PRKAR2B: variants seen among roughly 807,000 people sequenced by gnomAD.
PRKAR2B encodes cAMP-dependent protein kinase type II-beta regulatory subunit.
A neutral mutation model predicts 49.9 loss-of-function variants in PRKAR2B; 14 were observed. The ratio of observed to expected loss-of-function variants is 0.28; its 90% confidence interval spans 0.19 to 0.44. The LOEUF (loss-of-function observed/expected upper bound fraction) is 0.44, where lower values mean the gene tolerates loss of function less well. PRKAR2B is among the 20% of genes least tolerant of loss of function. The pLI, the probability that PRKAR2B is intolerant of heterozygous loss-of-function variation, is 1.00. For synonymous variants in PRKAR2B, 196 were observed against 197.7 expected, an observed-to-expected ratio of 0.99 and a Z score of 0.07; for missense variants, 393 against 537.9, an observed-to-expected ratio of 0.73 and a Z score of 2.67.
Position 107,065,314 on chromosome 7 carries a change from GTGTGTGTA to G in PRKAR2B, c.308-4959_308-4952del, listed in dbSNP as rs1412893892. Among the ~76,000 whole-genome samples, 249 of 56,616 alleles carry G rather than the reference GTGTGTGTA, an allele frequency of 4.4e-3. 1 individual carries two copies. Among genetic ancestry groups the G allele is most frequent in the African/African-American group, 0.026 (196 of 7,650 alleles). The allele number at this position is 56,616 out of a possible 152,430, so 37.1% of individuals were successfully genotyped here. A position where few individuals can be genotyped will look rare whatever the true frequency, so the allele number is the denominator to read the frequency against. ...TGTTTTTTATTTTTGTTTGCTCGGG[GTGTGTGTA>G]TGTGTGTGTGTGTGTGTGTGTGTGT... On this transcript the variant is annotated intron_variant, in intron 1 of 10. Coordinates refer to ENST00000265717, the MANE Select transcript of PRKAR2B (RefSeq NM_002736.3).
At chr7:107,101,431 G>A (rs139414938) in intron 2 of PRKAR2B, among the ~76,000 whole-genome samples, 14 of 152,148 alleles carry the variant, frequency 9.2e-5, no homozygotes, top group Non-Finnish European at 1.8e-4. Flanking sequence ...GTGCGCTGTA[G>A]CCACCTCGAC....
chr7:107,084,355 G>T (rs577056068), intron 2 of PRKAR2B, among the ~76,000 whole-genome samples: 41 of 151,126 alleles, frequency 2.7e-4, no homozygotes, highest in African/African-American at 9.7e-4. Context: ...GATTAGTTTT[G>T]ATCTAAATTT....
intron 2 of PRKAR2B, among the ~76,000 whole-genome samples, chr7:107,080,748 G>C (rs1794499242): frequency 6.6e-6 from 1 of 152,190 alleles, no homozygotes; most frequent in African/African-American, 2.4e-5. Flanking sequence ...CTTATCTTAG[G>C]TACAGAAGGC....
intron 2 of PRKAR2B, among the ~76,000 whole-genome samples, chr7:107,121,254 A>G (rs1036369318): frequency 6.6e-6 from 1 of 152,060 alleles, no homozygotes; most frequent in Non-Finnish European, 1.5e-5. Flanking sequence ...AATCTGAAAT[A>G]TAGACAAATA....
chr7:107,084,177 T>C (rs567927394), intron 2 of PRKAR2B, among the ~76,000 whole-genome samples: 1 of 152,344 alleles, frequency 6.6e-6, no homozygotes, highest in East Asian at 1.9e-4. Flanking sequence ...TTTCTATACA[T>C]ACTGTTATAG....
chr7:107,099,639 CTT>C (rs71134250), intron 2 of PRKAR2B, among the ~76,000 whole-genome samples: 165 of 134,250 alleles, frequency 1.2e-3, no homozygotes, highest in Admixed American at 3.0e-3. Flanking sequence ...CATGAGAAAT[CTT>C]TTTTTTTTTT....
chr7:107,146,691 C>T (rs1340922126), intron 6 of PRKAR2B, among the ~76,000 whole-genome samples: 1 of 152,124 alleles, frequency 6.6e-6, no homozygotes, highest in Non-Finnish European at 1.5e-5. Flanking sequence ...CCTGGTGGCC[C>T]AGGAAAGACA....
At chr7:107,059,935 T>C (rs1793994026) in intron 1 of PRKAR2B, among the ~76,000 whole-genome samples, 2 of 152,144 alleles carry the variant, frequency 1.3e-5, no homozygotes, top group African/African-American at 4.8e-5. Context: ...ATGTATGATA[T>C]TGCGACAGAT....
intron 2 of PRKAR2B, among the ~76,000 whole-genome samples, chr7:107,107,196 G>C (rs984559713): frequency 6.6e-6 from 1 of 152,106 alleles, no homozygotes; most frequent in Non-Finnish European, 1.5e-5. Context: ...AATTAGCCAG[G>C]CATGGTGGTG....
intron 1 of PRKAR2B, among the ~76,000 whole-genome samples, chr7:107,052,845 G>T (rs1157232943): frequency 6.6e-6 from 1 of 152,006 alleles, no homozygotes; most frequent in East Asian, 1.9e-4. Flanking sequence ...ATTTTATTTT[G>T]TTTTTGACAG....
At chr7:107,138,260 T>C (rs2115630602) in intron 4 of PRKAR2B, among the ~76,000 whole-genome samples, 1 of 152,276 alleles carries the variant, frequency 6.6e-6, no homozygotes, top group Non-Finnish European at 1.5e-5. Flanking sequence ...ATAATGTCAG[T>C]ATAGATTCAG....
rs1796168149 is a variant in PRKAR2B, at chr7:107,159,903, C to T, written c.*321C>T. On this transcript the variant is annotated 3_prime_UTR_variant, in exon 11 of 11. Coordinates refer to ENST00000265717, the MANE Select transcript of PRKAR2B (RefSeq NM_002736.3). Reference sequence around the variant, plus strand: ...TAAGAAGATAATTAAAGGATGTTATCATAGGCTATATGTGTTTTACTTATT... The same window carrying T: ...TAAGAAGATAATTAAAGGATGTTATTATAGGCTATATGTGTTTTACTTATT... The T allele has an allele frequency of 4.6e-6, 1 of 218,556 alleles. No individual in the cohort carries two copies. The highest frequency in any genetic ancestry group is 5.3e-5 in the Admixed American group (1 of 18,824). 13.5% of individuals were successfully genotyped at this position (218,556 alleles called of 1,614,324 possible). A position where few individuals can be genotyped will look rare whatever the true frequency, so the allele number is the denominator to read the frequency against.
At chr7:107,150,587 A>G (rs1795965194) in intron 6 of PRKAR2B, among the ~76,000 whole-genome samples, 1 of 4,276 alleles carries the variant, frequency 2.3e-4, no homozygotes, top group East Asian at 0.036. Context: ...GTAAAAGAAC[A>G]GAGTGCTAGT....
At position 107,161,668 on chromosome 7, in the gene PRKAR2B, T is replaced by C. The variant is rs1024217085; in HGVS notation, c.*2086T>C. On this transcript the variant is annotated 3_prime_UTR_variant, in exon 11 of 11. Transcript: ENST00000265717. Reference sequence around the variant, plus strand: ...TATGGTTCTGTATGGCAATAGGTTTTTAAAATTATTAGCTATTCATCATGT... The same window carrying C: ...TATGGTTCTGTATGGCAATAGGTTTCTAAAATTATTAGCTATTCATCATGT... 6 of 152,380 alleles carry C rather than the reference T, an allele frequency of 3.9e-5. No homozygotes were observed. The highest frequency in any genetic ancestry group is 1.4e-4 in the African/African-American group (6 of 41,458). 9.4% of individuals were successfully genotyped at this position (152,380 alleles called of 1,614,324 possible).
chr7:107,078,787 A>G (rs1376523207), intron 2 of PRKAR2B, among the ~76,000 whole-genome samples: 2 of 152,224 alleles, frequency 1.3e-5, no homozygotes, highest in Admixed American at 6.5e-5. Context: ...CTCAAGGCTA[A>G]TGAGAAATTA....
At chr7:107,144,049 T>C (rs1795839464) in intron 5 of PRKAR2B, among the ~76,000 whole-genome samples, 1 of 140,994 alleles carries the variant, frequency 7.1e-6, no homozygotes, top group African/African-American at 2.7e-5. Context: ...AAACCAATTC[T>C]TTTCTTATTT....
At chr7:107,137,198 G>A (rs1795714888) in intron 4 of PRKAR2B, among the ~76,000 whole-genome samples, 1 of 152,168 alleles carries the variant, frequency 6.6e-6, no homozygotes, top group Admixed American at 6.5e-5. Context: ...CCACCCAACA[G>A]TCCCAGTTAT....
At chr7:107,097,442 T>A (rs115666352) in intron 2 of PRKAR2B, among the ~76,000 whole-genome samples, 2,166 of 152,282 alleles carry the variant, frequency 0.014, 50 homozygotes, top group African/African-American at 0.05. Flanking sequence ...AGGACACTGA[T>A]GAATCTTGAC....
chr7:107,066,778 G>A (rs1268243036), intron 1 of PRKAR2B: 1 of 151,826 alleles, frequency 6.6e-6, no homozygotes, highest in Non-Finnish European at 1.5e-5. Flanking sequence ...TTTCTCTTAT[G>A]TTGGCCCGGC....
Sources: allele counts gnomAD v4.1 joint callset (sites outside exome capture counted in the v4.1 genomes callset), GRCh38; gene constraint gnomAD v4.1.1; transcripts MANE v1.5; gene names NCBI Gene and HGNC (gene_info 2026-07-23, HGNC 2026-07-21).